Variants in NUP188 observed in about 807,000 individuals in gnomAD.
The protein encoded by NUP188 is nucleoporin 188, also known as nucleoporin NUP188.
NUP188 carries 97 observed loss-of-function variants against 223.0 expected under a neutral mutation model. The observed-to-expected ratio is 0.43, with a 90% CI of 0.37 to 0.51. NUP188 has a LOEUF of 0.51. NUP188 is among the 20% of genes least tolerant of loss of function. The pLI, the probability that NUP188 is intolerant of heterozygous loss-of-function variation, is 0.00. For synonymous variants in NUP188, 869 were observed against 828.0 expected, an observed-to-expected ratio of 1.05 and a Z score of -0.85; for missense variants, 1,947 against 2,175.6, an observed-to-expected ratio of 0.89 and a Z score of 2.09.
rs552690831 is a variant in NUP188, at chr9:128,963,689, T to C, written c.585+4555T>C. On this transcript the variant is annotated intron_variant, in intron 8 of 43. Transcript: ENST00000372577. ...ATATCTCATTGTGGTTTGTTTGTTT[T>C]GAGATAGGGTCTTGCTATTTTGCCC... Among the ~76,000 whole-genome samples, 7 of 152,200 alleles carry C rather than the reference T, an allele frequency of 4.6e-5. 1 individual carries two copies. In the East Asian group the frequency reaches 9.7e-4, roughly 21 times the overall value.
chr9:128,974,925 A>G (rs1842154739), intron 12 of NUP188, among the ~76,000 whole-genome samples: 1 of 150,258 alleles, frequency 6.7e-6, no homozygotes, highest in African/African-American at 2.4e-5. Context: ...TGCTCAGCTA[A>G]TTTTTGTGTT....
chr9:128,983,112 C>A, intron 17 of NUP188, 84 bp downstream of exon 17: 2 of 1,559,092 alleles, frequency 1.3e-6, no homozygotes, highest in Admixed American at 1.7e-5. Flanking sequence ...TGGACACATA[C>A]CCACTGGGTT....
chr9:129,001,399 G>T, intron 34 of NUP188, 130 bp from the exon 35 acceptor site: 2 of 738,472 alleles, frequency 2.7e-6, no homozygotes, highest in Non-Finnish European at 4.7e-6. Flanking sequence ...TGTGCATTCT[G>T]TGTTACTCAA....
In NUP188 at chr9:129,001,866, G is replaced by A; in HGVS notation, c.4045-18G>A. On this transcript the variant is annotated intron_variant, in intron 35 of 43. Transcript: ENST00000372577. ...AGGGGCAGGCTCCATCTCATTTCCT[G>A]TCTTTCCCTCCTCCCAGGGAGCCAC... is the stretch of plus-strand genomic sequence containing the variant. 1.9e-6 allele frequency: 3 copies of A among 1,612,416 alleles called. No individual in the cohort carries two copies. Among genetic ancestry groups the A allele is most frequent in the Non-Finnish European group, 2.5e-6 (3 of 1,178,620 alleles).
At chr9:129,001,856 C>T (rs1220829873) in intron 35 of NUP188, 28 bp from the exon 36 acceptor site, 1 of 1,609,364 alleles carries the variant, frequency 6.2e-7, no homozygotes, top group African/African-American at 1.3e-5. Context: ...CAGGCTCCAT[C>T]TCATTTCCTG....
intron 3 of NUP188, among the ~76,000 whole-genome samples, chr9:128,955,772 A>G (rs950410714): frequency 1.3e-5 from 2 of 151,162 alleles, no homozygotes; most frequent in Non-Finnish European, 2.9e-5. Flanking sequence ...GAATCAACCA[A>G]TTCTCCAAGG....
chr9:128,995,085 T>C, intron 29 of NUP188, 162 bp downstream of exon 29: 1 of 649,750 alleles, frequency 1.5e-6, no homozygotes, highest in Non-Finnish European at 2.7e-6. Context: ...AATCCACCGA[T>C]GGCATTTATG....
intron 19 of NUP188, among the ~76,000 whole-genome samples, chr9:128,984,432 A>G (rs1842304633): frequency 6.6e-6 from 1 of 152,120 alleles, no homozygotes; most frequent in Non-Finnish European, 1.5e-5. Context: ...GGCCGAGAGC[A>G]AGAGAGATTT....
intron 38 of NUP188, 152 bp downstream of exon 38, chr9:129,003,606 A>C: frequency 2.2e-6 from 2 of 897,872 alleles, no homozygotes; most frequent in Non-Finnish European, 3.6e-6. Flanking sequence ...TCATGTGCTT[A>C]CTCTGGCTAA....
chr9:129,006,786 T>G lies in NUP188; in HGVS notation c.*108T>G. 1.7e-6 allele frequency: 2 copies of G among 1,188,450 alleles called. No individual in the cohort carries two copies. Among genetic ancestry groups the G allele is most frequent in the Non-Finnish European group, 1.2e-6 (1 of 865,602 alleles). The allele number at this position is 1,188,450 out of a possible 1,614,324, so 73.6% of individuals were successfully genotyped here. On this transcript the variant is annotated 3_prime_UTR_variant, in exon 44 of 44. Transcript: ENST00000372577. ...CCTATACAATGGAGGGCACCTCCTG[T>G]CACCCCCCTCCCGGAGTAGCCACGA...
chr9:128,997,284 T>C (rs1318882677), intron 30 of NUP188, among the ~76,000 whole-genome samples: 1 of 152,136 alleles, frequency 6.6e-6, no homozygotes, highest in African/African-American at 2.4e-5. Context: ...TGAGCACAGA[T>C]GGGACTGATA....
chr9:128,995,563 G>A lies in NUP188; in HGVS notation c.3351+49G>A, dbSNP rs757768196. The A allele has an allele frequency of 6.2e-6, 9 of 1,459,472 alleles. No homozygotes were observed. In the Admixed American group the frequency reaches 1.7e-4, roughly 28 times the overall value. 90.4% of individuals were successfully genotyped at this position (1,459,472 alleles called of 1,614,324 possible). A position where few individuals can be genotyped will look rare whatever the true frequency, so the allele number is the denominator to read the frequency against. On this transcript the variant is annotated intron_variant, in intron 30 of 43. Transcript: ENST00000372577. ...TTCACTTTGGTACCTTAGCAATGAT[G>A]TGTTGACATGAGCCTAGCAGATACA... is the stretch of plus-strand genomic sequence containing the variant.
intron 8 of NUP188, among the ~76,000 whole-genome samples, chr9:128,962,149 G>A (rs1439453118): frequency 6.6e-6 from 1 of 151,852 alleles, no homozygotes; most frequent in African/African-American, 2.4e-5. Flanking sequence ...TGGTCAGGCT[G>A]GTCTGGAACT....
In NUP188 at chr9:128,993,556, A is replaced by T. The variant is rs772336189; in HGVS notation, c.2879A>T (p.His960Leu). ...AGCCTTGGGATGTGGAGCTGTCTCC[A>T]TGCAGTGCTGGAGCTGATTGATTCC... is the stretch of plus-strand genomic sequence containing the variant. Reference protein sequence around the residue: ...EFSLGMWSCLHAVLELIDSQQ... With the variant: ...EFSLGMWSCLLAVLELIDSQQ... Residue 960 changes from histidine (H) to leucine (L), a missense_variant, in exon 27 of 44, where the codon CAT becomes CTT. This residue lies in a region of NUP188 where 905 missense variants were observed against 990.6 expected (regional missense o/e 0.91). Transcript: ENST00000372577. The T allele has an allele frequency of 9.3e-6, 15 of 1,614,174 alleles. No individual in the cohort carries two copies. Among genetic ancestry groups the T allele is most frequent in the Non-Finnish European group, 1.3e-5 (15 of 1,180,026 alleles).
At chr9:128,959,268 A>C in intron 8 of NUP188, 134 bp downstream of exon 8, 1 of 583,462 alleles carries the variant, frequency 1.7e-6, no homozygotes, top group Non-Finnish European at 2.6e-6. Flanking sequence ...CAATTCTCCT[A>C]CCTCAGTGGA....
At chr9:129,003,502 CAG>C (rs1269820187) in intron 38 of NUP188, 48 bp downstream of exon 38, 6 of 1,597,778 alleles carry the variant, frequency 3.8e-6, no homozygotes, top group Middle Eastern at 1.6e-4. Context: ...TGCTTGGAGA[CAG>C]GGAGGCTGTG....
intron 11 of NUP188, among the ~76,000 whole-genome samples, chr9:128,971,978 G>T (rs1842111590): frequency 6.6e-6 from 1 of 151,526 alleles, no homozygotes. Flanking sequence ...CACCATGTTG[G>T]CAAGGCTGGT....
intron 36 of NUP188, 43 bp from the exon 37 acceptor site, chr9:129,002,774 C>T (rs775765445): frequency 1.3e-6 from 2 of 1,591,704 alleles, no homozygotes; most frequent in African/African-American, 2.7e-5. Flanking sequence ...GAGGTCCTGC[C>T]TCTCAGCAGG....
At chr9:128,985,085 G>A (rs1167132886) in intron 20 of NUP188, 71 bp downstream of exon 20, 9 of 1,068,668 alleles carry the variant, frequency 8.4e-6, no homozygotes, top group Non-Finnish European at 1.3e-5. Flanking sequence ...CTCTGAAATA[G>A]TTTCCCTGGC....
Sources: gnomAD v4.1 joint callset for allele counts (sites outside exome capture counted in the v4.1 genomes callset) on GRCh38, gnomAD v4.1.1 for gene constraint, gnomAD v4.1.1 regional missense constraint, MANE v1.5 for transcripts, NCBI Gene and HGNC (gene_info 2026-07-23, HGNC 2026-07-21) for gene names.